Variants in MRS2 observed in about 807,000 individuals in gnomAD.
MRS2 encodes magnesium transporter MRS2 homolog, mitochondrial.
In MRS2, 40 loss-of-function variants were observed where a neutral mutation model predicts 52.6. That is an observed-to-expected ratio of 0.76 (90% CI 0.59 to 0.99). The LOEUF (loss-of-function observed/expected upper bound fraction) is 0.99, where lower values mean the gene tolerates loss of function less well. MRS2 is among the 50% of genes least tolerant of loss of function. The probability of loss-of-function intolerance (pLI) is 0.00; values close to 1 mark genes in which losing one functional copy is unlikely to be tolerated. For missense variants in MRS2, 472 were observed against 532.7 expected (o/e 0.89, Z 1.12); for synonymous variants, 193 against 195.9 (o/e 0.98, Z 0.13).
chr6:24,404,409 A>T (rs1194129774), intron 1 of MRS2, among the ~76,000 whole-genome samples: 1 of 152,230 alleles, frequency 6.6e-6, no homozygotes, highest in Admixed American at 6.5e-5. Flanking sequence ...ATGAAACTTC[A>T]GATACTAACA....
chr6:24,405,551 CAG>C (rs1761439515), intron 2 of MRS2, among the ~76,000 whole-genome samples: 2 of 150,200 alleles, frequency 1.3e-5, no homozygotes, highest in Non-Finnish European at 2.9e-5. Context: ...TTGAAGGCAG[CAG>C]AGAGTAGTAT....
chr6:24,414,938 A>G (rs1761797937), intron 5 of MRS2, 95 bp from the exon 6 acceptor site: 6 of 1,105,168 alleles, frequency 5.4e-6, no homozygotes, highest in Non-Finnish European at 7.6e-6. Context: ...ATTTCAAGCT[A>G]CTACAGATTT....
At chr6:24,408,306 A>G (rs561380251) in intron 2 of MRS2, 102 bp from the exon 3 acceptor site, 1 of 734,024 alleles carries the variant, frequency 1.4e-6, no homozygotes, top group East Asian at 2.5e-5. Flanking sequence ...CATTTTGGGG[A>G]TATTACTTAC....
At chr6:24,406,364 G>C (rs1406992465) in intron 2 of MRS2, among the ~76,000 whole-genome samples, 1 of 152,010 alleles carries the variant, frequency 6.6e-6, no homozygotes, top group Non-Finnish European at 1.5e-5. Context: ...ATTTAGGCTT[G>C]TTAACATAAG....
rs768959543 is a variant in MRS2, at chr6:24,403,131, G to A, written c.85G>A (p.Val29Met). 3 of 1,611,768 alleles carry A rather than the reference G, an allele frequency of 1.9e-6. No individual in the cohort carries two copies. The highest frequency in any genetic ancestry group is 2.5e-6 in the Non-Finnish European group (3 of 1,179,886). The change falls in exon 1 of 11, where the codon GTG (valine) becomes ATG (methionine). Residue 29 changes from valine to methionine, a missense_variant. Coordinates refer to ENST00000378386, the MANE Select transcript of MRS2 (RefSeq NM_020662.4). ...RRTLCALALD[V>M]TSVGPPVAAC... is the part of the protein sequence containing the mutation. ...GACGCTGTGTGCCCTGGCCTTGGACGTGACCTCTGTGGGTCCTCCCGTTGC... is the reference window on the plus strand; with the variant it reads ...GACGCTGTGTGCCCTGGCCTTGGACATGACCTCTGTGGGTCCTCCCGTTGC...
At chr6:24,423,406 A>G in intron 10 of MRS2, 178 bp from the exon 11 acceptor site, 1 of 493,176 alleles carries the variant, frequency 2.0e-6, no homozygotes, top group Non-Finnish European at 3.6e-6. Flanking sequence ...CGTTCTTAAA[A>G]GATAGAAAAT....
chr6:24,405,347 C>A, intron 2 of MRS2, 106 bp downstream of exon 2: 2 of 804,424 alleles, frequency 2.5e-6, no homozygotes, highest in Non-Finnish European at 4.2e-6. Context: ...GCTTTATAAT[C>A]ATCATAGCTA....
At chr6:24,417,417 AT>A (rs1460731096) in intron 7 of MRS2, among the ~76,000 whole-genome samples, 1 of 152,150 alleles carries the variant, frequency 6.6e-6, no homozygotes, top group East Asian at 1.9e-4. Flanking sequence ...TTAGTTGTGG[AT>A]TTTGTTTTAC....
intron 4 of MRS2, among the ~76,000 whole-genome samples, chr6:24,410,252 T>TA (rs1241705191): frequency 2.0e-5 from 3 of 152,232 alleles, no homozygotes; most frequent in African/African-American, 7.2e-5. Context: ...GTGCTGGGAT[T>TA]ACAGGCATGA....
intron 2 of MRS2, among the ~76,000 whole-genome samples, chr6:24,406,257 T>C (rs1761472705): frequency 6.6e-6 from 1 of 152,142 alleles, no homozygotes; most frequent in African/African-American, 2.4e-5. Flanking sequence ...TAACCTACCA[T>C]ATAGAATTGT....
intron 5 of MRS2, among the ~76,000 whole-genome samples, chr6:24,414,274 T>C (rs1382294579): frequency 5.3e-5 from 8 of 152,112 alleles, no homozygotes; most frequent in Non-Finnish European, 1.2e-4. Context: ...GGTCTCTGGT[T>C]TTCCTAGGAA....
chr6:24,422,289 A>G (rs954710912), intron 9 of MRS2, among the ~76,000 whole-genome samples: 3 of 152,228 alleles, frequency 2.0e-5, no homozygotes, highest in African/African-American at 7.2e-5. Context: ...CAGCATAGCT[A>G]TAAATGGGAT....
chr6:24,412,199 T>G, intron 4 of MRS2, 23 bp from the exon 5 acceptor site: 3 of 1,453,484 alleles, frequency 2.1e-6, no homozygotes, highest in Non-Finnish European at 2.8e-6. Context: ...ATTTATATGT[T>G]TTGGTTTTTT....
chr6:24,418,610 G>GC, intron 9 of MRS2, 32 bp downstream of exon 9: 1 of 1,561,220 alleles, frequency 6.4e-7, no homozygotes, highest in Non-Finnish European at 8.8e-7. Flanking sequence ...TAAAACTTGG[G>GC]GGTTTTGGCC....
chr6:24,418,347 A>G, intron 8 of MRS2, 111 bp downstream of exon 8: 9 of 1,509,094 alleles, frequency 6.0e-6, no homozygotes, highest in Non-Finnish European at 8.0e-6. Context: ...ATACTACATT[A>G]TTATTATTTT....
intron 6 of MRS2, 80 bp from the exon 7 acceptor site, chr6:24,416,317 A>G (rs1561811798): frequency 7.8e-6 from 5 of 640,894 alleles, no homozygotes; most frequent in Non-Finnish European, 1.4e-5. Context: ...TATATTTGAT[A>G]AGATACTCTA....
In MRS2 at chr6:24,412,221, G is replaced by A; in HGVS notation, c.415-1G>A. 4 of 1,496,810 alleles carry A rather than the reference G, an allele frequency of 2.7e-6. No individual in the cohort carries two copies. Among genetic ancestry groups the A allele is most frequent in the East Asian group, 2.4e-5 (1 of 41,038 alleles). The allele number at this position is 1,496,810 out of a possible 1,614,324, so 92.7% of individuals were successfully genotyped here. A position where few individuals can be genotyped will look rare whatever the true frequency, so the allele number is the denominator to read the frequency against. ...TGTTTTGGTTTTTTTTTTTTTAACA[G>A]TATTTGAAAGCTGTGATAACTCCAG... is the stretch of plus-strand genomic sequence containing the variant. On this transcript the variant is annotated splice_acceptor_variant, in intron 4 of 10. Coordinates refer to ENST00000378386, the MANE Select transcript of MRS2 (RefSeq NM_020662.4). LOFTEE classifies it high-confidence loss of function.
At chr6:24,414,439 A>C (rs1761771044) in intron 5 of MRS2, among the ~76,000 whole-genome samples, 1 of 151,780 alleles carries the variant, frequency 6.6e-6, no homozygotes, top group East Asian at 1.9e-4. Context: ...TGGACACAGC[A>C]CATGTTTCAG....
chr6:24,406,127 G>T, intron 2 of MRS2, among the ~76,000 whole-genome samples: 1 of 148,496 alleles, frequency 6.7e-6, no homozygotes, highest in African/African-American at 2.5e-5. Flanking sequence ...AAAAAGGTGT[G>T]CCTATTCTGA....
Sources: allele counts gnomAD v4.1 joint callset (sites outside exome capture counted in the v4.1 genomes callset), GRCh38; gene constraint gnomAD v4.1.1; transcripts MANE v1.5; gene names NCBI Gene and HGNC (gene_info 2026-07-23, HGNC 2026-07-21).